Variants in CTNNA3 observed in about 807,000 individuals in gnomAD.
CTNNA3 encodes catenin alpha 3.
Under a neutral mutation model 95.7 loss-of-function variants are expected in CTNNA3, and 76 were observed. The ratio of observed to expected loss-of-function variants is 0.79; its 90% CI spans 0.66 to 0.96. CTNNA3 has a LOEUF of 0.96. Among genes scored for constraint, CTNNA3 ranks in the 40% least tolerant of loss-of-function variants. CTNNA3 has a pLI of 0.00. For missense variants in CTNNA3, 1,191 were observed against 1,089.8 expected (o/e 1.09, Z -1.31); for synonymous variants, 431 against 374.4 (o/e 1.15, Z -1.74).
At chr10:66,114,955 A>C (rs2082268194) in intron 13 of CTNNA3, among the ~76,000 whole-genome samples, 1 of 151,972 alleles carries the variant, frequency 6.6e-6, no homozygotes, top group African/African-American at 2.4e-5. Flanking sequence ...GGGTTGTAGA[A>C]TATTATAAGT....
chr10:66,021,672 T>C (rs1252097055), intron 15 of CTNNA3, among the ~76,000 whole-genome samples: 2 of 152,110 alleles, frequency 1.3e-5, no homozygotes, highest in Non-Finnish European at 1.5e-5. Context: ...CAAATATTCA[T>C]AGAGCTCTCA....
intron 12 of CTNNA3, among the ~76,000 whole-genome samples, chr10:66,342,232 A>ATGTGCTGG (rs1299147335): frequency 1.3e-5 from 2 of 152,148 alleles, no homozygotes; most frequent in Admixed American, 6.5e-5. Context: ...TGTCAGTAAA[A>ATGTGCTGG]TGTGCTGGCT....
At chr10:66,392,411 C>T (rs1307736379) in intron 11 of CTNNA3, among the ~76,000 whole-genome samples, 1 of 151,916 alleles carries the variant, frequency 6.6e-6, no homozygotes, top group Non-Finnish European at 1.5e-5. Flanking sequence ...GCCTGGGTGA[C>T]AGAGTGAGAC....
intron 17 of CTNNA3, among the ~76,000 whole-genome samples, chr10:65,943,631 C>G (rs1472619859): frequency 6.6e-6 from 1 of 152,124 alleles, no homozygotes; most frequent in Non-Finnish European, 1.5e-5. Flanking sequence ...AGATGGGAAC[C>G]CTGAAGGGTT....
intron 12 of CTNNA3, among the ~76,000 whole-genome samples, chr10:66,365,133 C>G (rs971364028): frequency 5.3e-5 from 8 of 151,958 alleles, no homozygotes; most frequent in Non-Finnish European, 1.2e-4. Flanking sequence ...TCGGAACCAA[C>G]CCAAATGTCC....
At chr10:67,143,680 C>T (rs775281339) in intron 7 of CTNNA3, among the ~76,000 whole-genome samples, 44 of 152,232 alleles carry the variant, frequency 2.9e-4, no homozygotes, top group Non-Finnish European at 4.6e-4. Flanking sequence ...ACGATAACTA[C>T]GTCATGAAAA....
At chr10:66,219,848 G>A (rs1421410435) in intron 13 of CTNNA3, among the ~76,000 whole-genome samples, 1 of 152,174 alleles carries the variant, frequency 6.6e-6, no homozygotes, top group Non-Finnish European at 1.5e-5. Context: ...TAAAGGCTGG[G>A]TGCAGTGGCT....
intron 5 of CTNNA3, among the ~76,000 whole-genome samples, chr10:67,517,530 G>C (rs1564709193): frequency 6.6e-6 from 1 of 152,082 alleles, no homozygotes; most frequent in African/African-American, 2.4e-5. Context: ...AAAAGCAGTT[G>C]TTCACTCCTG....
At chr10:66,999,822 A>G (rs1486505790) in intron 7 of CTNNA3, among the ~76,000 whole-genome samples, 1 of 152,178 alleles carries the variant, frequency 6.6e-6, no homozygotes, top group East Asian at 1.9e-4. Context: ...TCTGATTTGT[A>G]TACTAATTCT....
At chr10:67,480,616 T>A (rs1848180952) in intron 5 of CTNNA3, among the ~76,000 whole-genome samples, 1 of 152,262 alleles carries the variant, frequency 6.6e-6, no homozygotes, top group Non-Finnish European at 1.5e-5. Context: ...CTGCTGCAGA[T>A]AACAAGCCAG....
intron 13 of CTNNA3, among the ~76,000 whole-genome samples, chr10:66,270,838 T>C (rs759756087): frequency 6.6e-6 from 1 of 152,124 alleles, no homozygotes; most frequent in Non-Finnish European, 1.5e-5. Flanking sequence ...TGGGCCTGTC[T>C]GAGGAATTAG....
At chr10:66,616,612 T>C (rs1450389051) in intron 10 of CTNNA3, among the ~76,000 whole-genome samples, 2 of 152,072 alleles carry the variant, frequency 1.3e-5, no homozygotes, top group African/African-American at 4.8e-5. Flanking sequence ...GTGATACCTA[T>C]AACTGGGCAA....
chr10:66,845,713 A>AAAAAAC (rs1554862156), intron 7 of CTNNA3, among the ~76,000 whole-genome samples: 61 of 123,304 alleles, frequency 4.9e-4, no homozygotes, highest in Non-Finnish European at 8.0e-4. Flanking sequence ...CAAAAAAAAA[A>AAAAAAC]AAAAAAAAAA....
intron 5 of CTNNA3, among the ~76,000 whole-genome samples, chr10:67,477,524 G>T (rs565923368): frequency 6.6e-6 from 1 of 152,070 alleles, no homozygotes; most frequent in Non-Finnish European, 1.5e-5. Flanking sequence ...AACCTGCATA[G>T]CCCAATACAA....
chr10:66,647,811 G>A (rs2132401914), intron 9 of CTNNA3, among the ~76,000 whole-genome samples: 1 of 151,958 alleles, frequency 6.6e-6, no homozygotes, highest in Admixed American at 6.5e-5. Context: ...GAGCCACCGT[G>A]CCCAGCCAAA....
chr10:66,110,572 A>G (rs2082085464), intron 13 of CTNNA3, among the ~76,000 whole-genome samples: 1 of 152,086 alleles, frequency 6.6e-6, no homozygotes, highest in African/African-American at 2.4e-5. Flanking sequence ...AGGAAATTCT[A>G]TCATTTGTTT....
intron 7 of CTNNA3, among the ~76,000 whole-genome samples, chr10:67,031,199 T>C (rs1853705548): frequency 6.6e-6 from 1 of 152,180 alleles, no homozygotes; most frequent in African/African-American, 2.4e-5. Flanking sequence ...TTATATAAAT[T>C]GATATATATG....
intron 15 of CTNNA3, among the ~76,000 whole-genome samples, chr10:66,038,399 G>A (rs1430782480): frequency 6.6e-6 from 1 of 152,120 alleles, no homozygotes; most frequent in African/African-American, 2.4e-5. Context: ...GAAGACAGTA[G>A]CTTCGTGGCT....
intron 7 of CTNNA3, among the ~76,000 whole-genome samples, chr10:67,075,060 G>A (rs1856676675): frequency 6.6e-6 from 1 of 151,846 alleles, no homozygotes; most frequent in African/African-American, 2.4e-5. Context: ...CAGTAAGTTT[G>A]TTTCCTAGAG....
Sources: allele counts gnomAD v4.1 joint callset (sites outside exome capture counted in the v4.1 genomes callset), GRCh38; gene constraint gnomAD v4.1.1; transcripts MANE v1.5; gene names NCBI Gene and HGNC (gene_info 2026-07-23, HGNC 2026-07-21).